The following NFX1 variants were observed in gnomAD, a reference collection of about 807,000 sequenced individuals.
NFX1 encodes the protein nuclear transcription factor, X-box binding 1.
A neutral mutation model predicts 137.2 loss-of-function variants in NFX1; 69 were observed. The observed-to-expected ratio is 0.50, with a 90% confidence interval of 0.41 to 0.61. NFX1 has a LOEUF of 0.61. Ranked by LOEUF, NFX1 falls within the 20% of genes least tolerant of loss-of-function variation. The pLI, the probability that NFX1 is intolerant of heterozygous loss-of-function variation, is 0.00. For missense variants in NFX1, 1,167 were observed against 1,391.0 expected (o/e 0.84, Z 2.56); for synonymous variants, 495 against 474.1 (o/e 1.04, Z -0.57).
intron 2 of NFX1, among the ~76,000 whole-genome samples, chr9:33,297,711 T>C (rs1030197344): frequency 6.6e-6 from 1 of 152,212 alleles, no homozygotes; most frequent in African/African-American, 2.4e-5. Flanking sequence ...TCTCAGCTCC[T>C]AGAGGCCACC....
chr9:33,358,647 ATTTTTTTTTTTTTT>A (rs61589629), intron 19 of NFX1, among the ~76,000 whole-genome samples: 31 of 48,472 alleles, frequency 6.4e-4, no homozygotes, highest in East Asian at 2.3e-3. Context: ...GAATGGCTTG[ATTTTTTTTTTTTTT>A]TTTTTTTTTT....
rs1419486453 is a variant in NFX1 at position 33,300,095 on chromosome 9, A to G, written c.1034-1168A>G. Among the ~76,000 whole-genome samples the G allele has an allele frequency of 2.9e-5, 3 of 103,910 alleles. No homozygotes were observed. In the East Asian group the frequency reaches 8.3e-4, roughly 29 times the overall value. 68.2% of individuals were successfully genotyped at this position (103,910 alleles called of 152,430 possible). A position where few individuals can be genotyped will look rare whatever the true frequency, so the allele number is the denominator to read the frequency against. ...TTTTTTTTTTTTTTTTTTTTTTGAG[A>G]CGGAGTCTCACTCTGGAGTGCAGTG... On this transcript the variant is annotated intron_variant, in intron 2 of 23. Transcript: ENST00000379540.
chr9:33,332,148 C>G (rs1329336916), intron 10 of NFX1, among the ~76,000 whole-genome samples: 1 of 152,182 alleles, frequency 6.6e-6, no homozygotes, highest in African/African-American at 2.4e-5. Context: ...GATGACTTCT[C>G]TTTCCTTTGC....
At chr9:33,367,687 C>A in intron 23 of NFX1, 68 bp downstream of exon 23, 3 of 1,486,020 alleles carry the variant, frequency 2.0e-6, no homozygotes, top group Non-Finnish European at 2.8e-6. Flanking sequence ...GCTGAATTGT[C>A]CTGAGCTGCA....
chr9:33,339,397 C>T (rs913527326), intron 12 of NFX1, among the ~76,000 whole-genome samples: 3 of 152,168 alleles, frequency 2.0e-5, no homozygotes, highest in African/African-American at 7.2e-5. Flanking sequence ...TCTCATGAGA[C>T]TTATTCACTA....
intron 9 of NFX1, among the ~76,000 whole-genome samples, chr9:33,319,593 T>C (rs1020933783): frequency 2.6e-5 from 4 of 152,160 alleles, no homozygotes; most frequent in Non-Finnish European, 5.9e-5. Flanking sequence ...CACTGCAGCC[T>C]CTGACTCCTG....
chr9:33,357,980 A>G (rs962763139), intron 19 of NFX1, among the ~76,000 whole-genome samples: 1 of 152,186 alleles, frequency 6.6e-6, no homozygotes. Flanking sequence ...CTAGTCCAAG[A>G]GAAGGTGTAT....
intron 15 of NFX1, chr9:33,347,723 G>T (rs944582898): frequency 1.4e-5 from 6 of 431,058 alleles, no homozygotes; most frequent in African/African-American, 1.2e-4. Context: ...AAAGATACCT[G>T]CACACGCATG....
At chr9:33,323,951 A>G (rs1302819719) in intron 9 of NFX1, among the ~76,000 whole-genome samples, 1 of 152,150 alleles carries the variant, frequency 6.6e-6, no homozygotes, top group East Asian at 1.9e-4. Context: ...CCGAAATGCA[A>G]AATTCATTAG....
intron 10 of NFX1, among the ~76,000 whole-genome samples, 175 bp from the exon 11 acceptor site, chr9:33,332,297 T>G (rs1236296662): frequency 6.6e-6 from 1 of 152,196 alleles, no homozygotes; most frequent in Non-Finnish European, 1.5e-5. Flanking sequence ...TGAGTAAAGC[T>G]CATTCATATA....
At position 33,338,676 on chromosome 9, in the gene NFX1, G is replaced by A. The variant is rs145070308; in HGVS notation, c.2115+87G>A. 1.9e-3 allele frequency: 2,167 copies of A among 1,167,030 alleles called. 5 individuals are homozygous for A. The highest frequency in any genetic ancestry group is 3.1e-3 in the Middle Eastern group (15 of 4,884). 72.3% of individuals were successfully genotyped at this position (1,167,030 alleles called of 1,614,324 possible). On this transcript the variant is annotated intron_variant, in intron 12 of 23. Coordinates refer to ENST00000379540, the MANE Select transcript of NFX1 (RefSeq NM_002504.6). ...CTGAGCCATGTGGAGAATGCAGCCC[G>A]GATTTAAAAGTCACTGGGACAGGCC...
In NFX1 at chr9:33,295,351, G is replaced by T; in HGVS notation, c.957G>T (p.Arg319Ser). ...RVDQEKCTVR[R>S]QDPQVVSPFS... The stretch of plus-strand genomic sequence containing the variant: ...ACCAAGAGAAATGCACTGTACGGAG[G>T]CAGGATCCTCAAGTAGTATCTCCTT... The change falls in exon 2 of 24, where the codon AGG becomes AGT. Residue 319 changes from arginine (R) to serine (S), a missense_variant. Physicochemically the swap from Arg to Ser is moderately radical, Grantham distance 110 (BLOSUM62 -1). Transcript: ENST00000379540. 6.2e-7 allele frequency: 1 copy of T among 1,614,112 alleles called. No homozygotes were observed. The highest frequency in any genetic ancestry group is 1.7e-5 in the Admixed American group (1 of 60,022).
At position 33,358,647 on chromosome 9, in the gene NFX1, A is replaced by ATTTTTTTTTT. The variant is rs61589629; in HGVS notation, c.2873+3779_2873+3788dup. Among the ~76,000 whole-genome samples, 21 of 48,472 alleles carry ATTTTTTTTTT rather than the reference A, an allele frequency of 4.3e-4. 1 individual carries two copies. The highest frequency in any genetic ancestry group is 1.1e-3 in the South Asian group (1 of 872). The allele number at this position is 48,472 out of a possible 152,430, so 31.8% of individuals were successfully genotyped here. A position where few individuals can be genotyped will look rare whatever the true frequency, so the allele number is the denominator to read the frequency against. On this transcript the variant is annotated intron_variant, in intron 19 of 23. Coordinates refer to ENST00000379540, the MANE Select transcript of NFX1 (RefSeq NM_002504.6). ...GCAAAAAAATTCTGTGAATGGCTTG[A>ATTTTTTTTTT]TTTTTTTTTTTTTTTTTTTTTTTTT... is the stretch of plus-strand genomic sequence containing the variant.
intron 23 of NFX1, among the ~76,000 whole-genome samples, chr9:33,369,146 A>G (rs1201774691): frequency 1.3e-5 from 2 of 151,868 alleles, no homozygotes; most frequent in African/African-American, 4.8e-5. Context: ...GCTCACTGCA[A>G]GCTCCGCCTC....
intron 14 of NFX1, among the ~76,000 whole-genome samples, chr9:33,344,966 A>G (rs955607098): frequency 2.0e-5 from 3 of 151,978 alleles, no homozygotes; most frequent in Non-Finnish European, 4.4e-5. Context: ...GTTCGAGACC[A>G]CTCTGGCCAA....
At chr9:33,324,117 G>T (rs1162519177) in intron 9 of NFX1, among the ~76,000 whole-genome samples, 1 of 152,124 alleles carries the variant, frequency 6.6e-6, no homozygotes, top group Non-Finnish European at 1.5e-5. Context: ...AGTGGCTCAT[G>T]CCTGTAATCC....
intron 5 of NFX1, among the ~76,000 whole-genome samples, chr9:33,307,669 A>G (rs1821800440): frequency 6.6e-6 from 1 of 152,112 alleles, no homozygotes; most frequent in African/African-American, 2.4e-5. Flanking sequence ...TTTATCCCGC[A>G]TTGATATCCA....
At chr9:33,351,421 G>A in intron 15 of NFX1, 139 bp from the exon 16 acceptor site, 1 of 762,304 alleles carries the variant, frequency 1.3e-6, no homozygotes, top group South Asian at 1.7e-5. Context: ...ACTCCAGCCT[G>A]GGCAACAGTG....
At chr9:33,321,200 G>A (rs1822371645) in intron 9 of NFX1, among the ~76,000 whole-genome samples, 1 of 152,152 alleles carries the variant, frequency 6.6e-6, no homozygotes, top group African/African-American at 2.4e-5. Context: ...AATGCAAAGG[G>A]ACTTGAGCAA....
Sources: gnomAD v4.1 joint callset for allele counts (sites outside exome capture counted in the v4.1 genomes callset) on GRCh38, gnomAD v4.1.1 for gene constraint, MANE v1.5 for transcripts, NCBI Gene and HGNC (gene_info 2026-07-23, HGNC 2026-07-21) for gene names.